The following TNS1 variants were observed in gnomAD, a reference collection of about 807,000 sequenced individuals.
TNS1 encodes the protein tensin 1.
A neutral mutation model predicts 168.6 loss-of-function variants in TNS1; 62 were observed. The ratio of observed to expected loss-of-function variants is 0.37; its 90% confidence interval spans 0.30 to 0.45. TNS1 has a LOEUF of 0.45. TNS1 is among the 20% of genes least tolerant of loss of function. TNS1 has a pLI of 1.00. For missense variants in TNS1, 2,240 were observed against 2,339.4 expected, an observed-to-expected ratio of 0.96 and a Z score of 0.88; for synonymous variants, 934 against 933.2, an observed-to-expected ratio of 1.00 and a Z score of -0.02.
chr2:217,924,891 G>A (rs1955932584), intron 3 of TNS1, among the ~76,000 whole-genome samples: 1 of 152,182 alleles, frequency 6.6e-6, no homozygotes, highest in African/African-American at 2.4e-5. Context: ...GGCCCACTGA[G>A]GTTTTTGATC....
upstream of TNS1, among the ~76,000 whole-genome samples, chr2:218,011,193 G>C (rs1368416584): frequency 1.3e-5 from 2 of 152,164 alleles, no homozygotes; most frequent in Admixed American, 6.5e-5. Flanking sequence ...ACAGAGGATG[G>C]GGCCCTCTCA....
At chr2:217,846,766 G>A (rs957048371) in intron 19 of TNS1, among the ~76,000 whole-genome samples, 2 of 152,190 alleles carry the variant, frequency 1.3e-5, no homozygotes, top group African/African-American at 2.4e-5. Context: ...TCTTCTGAGT[G>A]TCCCACTTTC....
At chr2:217,835,365 C>G (rs891336007) in intron 20 of TNS1, among the ~76,000 whole-genome samples, 199 bp from the exon 21 acceptor site, 16 of 152,218 alleles carry the variant, frequency 1.1e-4, no homozygotes, top group Non-Finnish European at 2.2e-4. Context: ...CCACTTCTAT[C>G]CAGAATGACT....
intron 22 of TNS1, among the ~76,000 whole-genome samples, chr2:217,826,433 C>T (rs1000747926): frequency 6.6e-6 from 1 of 152,162 alleles, no homozygotes; most frequent in Admixed American, 6.5e-5. Flanking sequence ...ACCCACCACC[C>T]GTGCACTTAC....
chr2:217,884,979 G>A, intron 16 of TNS1, 56 bp downstream of exon 16: 2 of 1,607,718 alleles, frequency 1.2e-6, no homozygotes, highest in Non-Finnish European at 1.7e-6. Flanking sequence ...GTCTCAAACT[G>A]AGCTCCTCTC....
At chr2:217,957,840 CA>C (rs35149245) in intron 3 of TNS1, among the ~76,000 whole-genome samples, 4,210 of 74,214 alleles carry the variant, frequency 0.057, 145 homozygotes, top group African/African-American at 0.13. Flanking sequence ...AGTACTCCCG[CA>C]AAAAAAAAAA....
In TNS1 at chr2:217,979,480, G is replaced by A. The variant is rs553233818; in HGVS notation, c.149-678C>T. Among the ~76,000 whole-genome samples the A allele has an allele frequency of 7.2e-5, 11 of 151,906 alleles. No individual in the cohort carries two copies. In the South Asian group the frequency reaches 1.9e-3, roughly 26 times the overall value. On this transcript the variant is annotated intron_variant, in intron 2 of 32. Transcript: ENST00000682258. The stretch of plus-strand genomic sequence containing the variant: ...GACACAGATTTGTGGACACAGACAC[G>A]TGAACAGATGCTCACATAAACTTCA...
rs746294151 is a variant in TNS1, at chr2:217,880,397, C to T, written c.1429+501G>A. Among the ~76,000 whole-genome samples the T allele has an allele frequency of 8.5e-5, 13 of 152,206 alleles. No homozygotes were observed. The highest frequency in any genetic ancestry group is 2.1e-4 in the South Asian group (1 of 4,830). On this transcript the variant is annotated intron_variant, in intron 18 of 32. Coordinates refer to ENST00000682258, the MANE Select transcript of TNS1 (RefSeq NM_001387777.1). This position sits in a 1 kb window ranked among gnomAD's most constrained non-coding sequence, Gnocchi z 4.2. ...TTGGCTGTTGATGAAAGCTTGTAGG[C>T]CCTAGATCCTGTGCCTCTGTTCCTA...
chr2:217,921,654 A>G (rs1197799527), intron 3 of TNS1, among the ~76,000 whole-genome samples: 1 of 152,206 alleles, frequency 6.6e-6, no homozygotes, highest in Non-Finnish European at 1.5e-5. Context: ...ATTCTCCAGC[A>G]AAGAGGCCCA....
In TNS1 at chr2:217,847,533, C is replaced by G; in HGVS notation, c.2984G>C (p.Gly995Ala). The G allele has an allele frequency of 6.8e-7, 1 of 1,468,420 alleles. No homozygotes were observed. Among genetic ancestry groups the G allele is most frequent in the Non-Finnish European group, 9.1e-7 (1 of 1,103,096 alleles). The allele number at this position is 1,468,420 out of a possible 1,614,324, so 91.0% of individuals were successfully genotyped here. A position where few individuals can be genotyped will look rare whatever the true frequency, so the allele number is the denominator to read the frequency against. The stretch of plus-strand genomic sequence containing the variant: ...ACCTGCTACCCTGTGGGCCACCAGC[C>G]CTTCTAAATTCAATGGCTCCTCCTC... ...TPEEEPLNLEGLVAHRVAGVQ... is the reference protein window; with the variant it reads ...TPEEEPLNLEALVAHRVAGVQ... Residue 995 changes from glycine (G) to alanine (A), a missense_variant, in exon 19 of 33, where the codon GGG becomes GCG. Physicochemically the swap from Gly to Ala is moderately conservative, Grantham distance 60 (BLOSUM62 0). Coordinates refer to ENST00000682258, the MANE Select transcript of TNS1 (RefSeq NM_001387777.1).
At chr2:217,820,750 C>A (rs941174774) in intron 23 of TNS1, among the ~76,000 whole-genome samples, 1 of 152,072 alleles carries the variant, frequency 6.6e-6, no homozygotes, top group Non-Finnish European at 1.5e-5. Context: ...ATCTCTTTGT[C>A]CCCTCCACCT....
intron 11 of TNS1, among the ~76,000 whole-genome samples, chr2:217,891,531 A>G (rs1015910616): frequency 3.0e-4 from 45 of 152,296 alleles, no homozygotes; most frequent in African/African-American, 1.1e-3. Flanking sequence ...CAAAGGTGAG[A>G]CTGACTTGGG....
intron 18 of TNS1, 137 bp from the exon 19 acceptor site, chr2:217,849,224 G>T (rs1947135790): frequency 7.4e-6 from 8 of 1,086,278 alleles, no homozygotes; most frequent in Non-Finnish European, 1.0e-5. Flanking sequence ...ACCACCCTGA[G>T]GTGGGGAAAA....
At chr2:217,961,178 G>A (rs148024456) in intron 3 of TNS1, among the ~76,000 whole-genome samples, 28 of 151,358 alleles carry the variant, frequency 1.8e-4, no homozygotes, top group East Asian at 1.6e-3. Context: ...AGTGGCTTTC[G>A]ATTCAAATCC....
At chr2:217,940,674 G>A (rs1431569701) in intron 3 of TNS1, among the ~76,000 whole-genome samples, 2 of 152,204 alleles carry the variant, frequency 1.3e-5, no homozygotes, top group Non-Finnish European at 2.9e-5. Context: ...GGTCGGAGGC[G>A]GTGGTTGAGT....
chr2:217,931,160 T>A (rs981867671), intron 3 of TNS1, among the ~76,000 whole-genome samples: 3 of 152,066 alleles, frequency 2.0e-5, no homozygotes, highest in Non-Finnish European at 2.9e-5. Context: ...AACAGAGAAT[T>A]GTAAAACAGC....
chr2:217,819,824 A>G (rs1408662824), intron 23 of TNS1, among the ~76,000 whole-genome samples: 1 of 152,130 alleles, frequency 6.6e-6, no homozygotes, highest in Non-Finnish European at 1.5e-5. Context: ...CAGGCTGTGC[A>G]CCAGGAACCC....
At position 217,831,519 on chromosome 2, in the gene TNS1, T is replaced by A. The variant is rs371171615; in HGVS notation, c.3309A>T (p.Thr1103=). The change falls in exon 22 of 33, where the codon ACA becomes ACT. Residue 1103 remains threonine, a synonymous_variant. Coordinates refer to ENST00000682258, the MANE Select transcript of TNS1 (RefSeq NM_001387777.1). ...GTTTCAGGCCCAGAGCAGACAGGGG[T>A]GTCTTGGCCAGACCCGGGGGGGACC... The part of the protein sequence containing the change: ...GVRSPPGLAK[T]PLSALGLKPH... The A allele has an allele frequency of 8.4e-6, 13 of 1,554,916 alleles. No individual in the cohort carries two copies. Among genetic ancestry groups the A allele is most frequent in the African/African-American group, 2.8e-5 (2 of 71,312 alleles).
chr2:218,000,441 C>A (rs1369088053), intron 1 of TNS1, among the ~76,000 whole-genome samples: 1 of 152,218 alleles, frequency 6.6e-6, no homozygotes, highest in Non-Finnish European at 1.5e-5. Flanking sequence ...AGATCCTCCC[C>A]CAGCATCAGG....
Sources: gnomAD v4.1 joint callset for allele counts (sites outside exome capture counted in the v4.1 genomes callset) on GRCh38, gnomAD v4.1.1 for gene constraint, Gnocchi (gnomAD v3.1) non-coding constraint, MANE v1.5 for transcripts, NCBI Gene and HGNC (gene_info 2026-07-23, HGNC 2026-07-21) for gene names.